The following JAK3 variants were observed in gnomAD, a reference collection of about 807,000 sequenced individuals.
JAK3 encodes tyrosine-protein kinase JAK3.
Under a neutral mutation model 120.8 loss-of-function variants are expected in JAK3, and 88 were observed. The ratio of observed to expected loss-of-function variants is 0.73; its 90% CI spans 0.61 to 0.87. JAK3 has a LOEUF of 0.87. Ranked by LOEUF, JAK3 falls within the 40% of genes least tolerant of loss-of-function variation. The pLI is 0.00. For missense variants in JAK3, 1,254 were observed against 1,501.4 expected (o/e 0.84, Z 2.72); for synonymous variants, 592 against 628.6 (o/e 0.94, Z 0.87).
In JAK3 at chr19:17,843,465, A is replaced by G; in HGVS notation, c.335T>C (p.Leu112Pro). Residue 112 changes from leucine (L) to proline (P), a missense_variant, in exon 4 of 24, where the codon CTG (leucine) becomes CCG (proline). Physicochemically the swap from Leu to Pro is moderately conservative, Grantham distance 98 (BLOSUM62 -3). Coordinates refer to ENST00000458235, the MANE Select transcript of JAK3 (RefSeq NM_000215.4). The surrounding 1 kb of genome is among the most constrained non-coding windows in gnomAD (Gnocchi z 5.4). ...IRFYFPNWFG[L>P]EKCHRFGLRK... ...TAGCCCGAAGCGGTGGCACTTCTCCAGCCCAAACCAATTGGGGAAGTAAAA... is the reference window on the plus strand; with the variant it reads ...TAGCCCGAAGCGGTGGCACTTCTCCGGCCCAAACCAATTGGGGAAGTAAAA... The G allele has an allele frequency of 6.3e-7, 1 of 1,599,120 alleles. No individual in the cohort carries two copies. Among genetic ancestry groups the G allele is most frequent in the Non-Finnish European group, 8.5e-7 (1 of 1,172,822 alleles).
rs753974832 is a variant in JAK3, at chr19:17,844,351, C to A, written c.67G>T (p.Ala23Ser). 1.2e-6 allele frequency: 2 copies of A among 1,612,036 alleles called. No homozygotes were observed. Among genetic ancestry groups the A allele is most frequent in the Admixed American group, 3.3e-5 (2 of 59,872 alleles). Residue 23 changes from alanine to serine, a missense_variant, in exon 2 of 24, where the codon GCT (alanine) becomes TCT (serine). Around this residue, in one of 3 missense-constraint regions of JAK3, gnomAD observed 138 missense variants for 178.7 expected, o/e 0.77. Coordinates refer to ENST00000458235, the MANE Select transcript of JAK3 (RefSeq NM_000215.4). ...QRSCSLLSTEAGALHVLLPAR... is the reference protein window; with the variant it reads ...QRSCSLLSTESGALHVLLPAR... Reference sequence around the variant, plus strand: ...GGCAGCAGCACATGCAGGGCACCAGCCTCCGTGGACAAGAGGCTGCATGAA... The same window carrying A: ...GGCAGCAGCACATGCAGGGCACCAGACTCCGTGGACAAGAGGCTGCATGAA...
At position 17,835,914 on chromosome 19, in the gene JAK3, G is replaced by A. The variant is rs200964315; in HGVS notation, c.1914+10C>T. The stretch of plus-strand genomic sequence containing the variant: ...GGAATGGAGGGTGGAGCAGGCAGAG[G>A]AGCACTCACCAGATAGTTGAGGGCG... On this transcript the variant is annotated intron_variant, in intron 14 of 23. Coordinates refer to ENST00000458235, the MANE Select transcript of JAK3 (RefSeq NM_000215.4). 2.9e-5 allele frequency: 46 copies of A among 1,613,590 alleles called. No individual in the cohort carries two copies. In the Middle Eastern group the frequency reaches 2.6e-3, roughly 93 times the overall value.
Position 17,841,540 on chromosome 19 carries a change from C to A in JAK3, c.991G>T (p.Glu331Ter). The stretch of plus-strand genomic sequence containing the variant: ...AGAGCCTCGGGCAGCCCTGGGAACT[C>A]GGCCTCCTGCGAGGGACAAGCGTCA... ...TRTDNQILEAEFPGLPEALSF... is the reference protein window; with the variant it reads ...TRTDNQILEA Residue 331 changes from glutamate (E) to a stop codon, truncating the protein, a stop_gained, in exon 8 of 24, where the codon GAG becomes TAG. Coordinates refer to ENST00000458235, the MANE Select transcript of JAK3 (RefSeq NM_000215.4). LOFTEE classifies it high-confidence loss of function. The surrounding 1 kb of genome is among the most constrained non-coding windows in gnomAD (Gnocchi z 4.1). The A allele has an allele frequency of 6.3e-7, 1 of 1,590,884 alleles. No individual in the cohort carries two copies. Among genetic ancestry groups the A allele is most frequent in the Non-Finnish European group, 8.6e-7 (1 of 1,168,804 alleles).
At chr19:17,828,226 TTTG>T (rs796168555) in intron 23 of JAK3, among the ~76,000 whole-genome samples, 13 of 17,556 alleles carry the variant, frequency 7.4e-4, no homozygotes, top group East Asian at 0.011. Context: ...TAATTTTGTC[TTTG>T]TTTTGTTTTG....
Position 17,840,224 on chromosome 19 carries a change from A to T in JAK3, c.1254+6T>A. ...CCTCCACTACCCACCCTAGCAGTAG[A>T]CCGACCTGGACACAGACAGTGAGGA... On this transcript the variant is annotated splice_donor_region_variant and intron_variant, in intron 9 of 23. Transcript: ENST00000458235. 6.2e-7 allele frequency: 1 copy of T among 1,606,202 alleles called. No homozygotes were observed. Among genetic ancestry groups the T allele is most frequent in the Non-Finnish European group, 8.5e-7 (1 of 1,173,066 alleles).
rs137852626 is a variant in JAK3, at chr19:17,839,585, G to A, written c.1333C>T (p.Arg445Ter). ...AGCTCTCGAAGACTGCTGTGGGGTC[G>A]GCTGAGGCCAACCAGAAGGAAGGTT... ...TGTFLLVGLS[R>*]PHSSLRELLA... Residue 445 changes from arginine to a stop codon, truncating the protein, a stop_gained, in exon 10 of 24, where the codon CGA becomes TGA. Transcript: ENST00000458235. LOFTEE classifies it high-confidence loss of function. 2 of 1,611,626 alleles carry A rather than the reference G, an allele frequency of 1.2e-6. No homozygotes were observed. The highest frequency in any genetic ancestry group is 1.7e-6 in the Non-Finnish European group (2 of 1,179,170).
chr19:17,830,517 A>C lies in JAK3; in HGVS notation c.3082T>G (p.Cys1028Gly). Residue 1028 changes from cysteine (C) to glycine (G), a missense_variant, in exon 22 of 24, where the codon TGC (cysteine) becomes GGC (glycine). Physicochemically the swap from Cys to Gly is radical, Grantham distance 159. Transcript: ENST00000458235. Reference protein sequence around the residue: ...YELFTYCDKSCSPSAEFLRMM... With the variant: ...YELFTYCDKSGSPSAEFLRMM... ...AGCCGACTCACGGCCGAGGGGCTGC[A>C]GCTTTTGTCGCAGTAGGTGAAGAGC... 6.2e-7 allele frequency: 1 copy of C among 1,613,434 alleles called. No individual in the cohort carries two copies. Among genetic ancestry groups the C allele is most frequent in the East Asian group, 2.2e-5 (1 of 44,810 alleles).
chr19:17,847,088 G>T (rs1365408989), intron 1 of JAK3, among the ~76,000 whole-genome samples: 2 of 152,082 alleles, frequency 1.3e-5, no homozygotes, highest in East Asian at 3.9e-4. Flanking sequence ...AGTAGAGATA[G>T]GGTTTCACCA....
chr19:17,831,731 C>T lies in JAK3; in HGVS notation c.2748G>A (p.Arg916=), dbSNP rs575101912. The change falls in exon 20 of 24, where the codon CGG becomes CGA. Residue 916 remains arginine (R), a synonymous_variant. Transcript: ENST00000458235. This position sits in a 1 kb window ranked among gnomAD's most constrained non-coding sequence, Gnocchi z 5.1. ...PSGCLRDFLQ[R]HRARLDASRL... ...GGCTGGCATCGAGGCGCGCGCGGTG[C>T]CGCTGCAGGAAGTCGCGCAAGCAGC... is the stretch of plus-strand genomic sequence containing the variant. The T allele has an allele frequency of 7.4e-6, 12 of 1,612,106 alleles. No homozygotes were observed. The East Asian group carries it at 2.7e-4, about 36-fold the overall frequency.
chr19:17,837,103 G>C (rs936236272), intron 13 of JAK3, 26 bp downstream of exon 13: 2 of 1,469,124 alleles, frequency 1.4e-6, no homozygotes, highest in Non-Finnish European at 1.9e-6. Context: ...AGGCAGGGGT[G>C]GGGTGGGTGG....
chr19:17,845,402 T>C (rs2094249867), intron 1 of JAK3, among the ~76,000 whole-genome samples: 1 of 152,086 alleles, frequency 6.6e-6, no homozygotes, highest in Non-Finnish European at 1.5e-5. Context: ...GTGATCAGCC[T>C]GCCTCAGCCT....
At position 17,842,932 on chromosome 19, in the gene JAK3, G is replaced by A. The variant is rs1042168927; in HGVS notation, c.566+95C>T. The A allele has an allele frequency of 2.6e-6, 4 of 1,539,632 alleles. No individual in the cohort carries two copies. The highest frequency in any genetic ancestry group is 1.4e-5 in the African/African-American group (1 of 73,528). ...CATAGGAACACCCTGAAAGCTTGCA[G>A]GAGAACTCCATGGTGGGAGCCCGGC... On this transcript the variant is annotated intron_variant, in intron 5 of 23. Coordinates refer to ENST00000458235, the MANE Select transcript of JAK3 (RefSeq NM_000215.4). This position sits in a 1 kb window ranked among gnomAD's most constrained non-coding sequence, Gnocchi z 6.4.
intron 1 of JAK3, 73 bp from the exon 2 acceptor site, chr19:17,844,503 A>G: frequency 7.2e-7 from 1 of 1,398,034 alleles, no homozygotes; most frequent in Non-Finnish European, 9.8e-7. Flanking sequence ...GAGGGCATGG[A>G]AAGGAGTGCT....
intron 23 of JAK3, among the ~76,000 whole-genome samples, chr19:17,829,056 G>A (rs940275141): frequency 6.6e-6 from 1 of 152,132 alleles, no homozygotes; most frequent in African/African-American, 2.4e-5. Flanking sequence ...CACTTTGGGA[G>A]GCCAAGGCAG....
rs761961495 is a variant in JAK3, at chr19:17,837,115, T to TG, written c.1786+13dup. On this transcript the variant is annotated intron_variant, in intron 13 of 23. Coordinates refer to ENST00000458235, the MANE Select transcript of JAK3 (RefSeq NM_000215.4). ...GTGAGGCAGGGGTGGGGTGGGTGGG[T>TG]GGGGGGCTCTCACTGTCTCCAGCCA... 14 of 534,182 alleles carry TG rather than the reference T, an allele frequency of 2.6e-5. No homozygotes were observed. In the African/African-American group the frequency reaches 1.1e-3, roughly 42 times the overall value. The allele number at this position is 534,182 out of a possible 1,614,324, so 33.1% of individuals were successfully genotyped here.
At chr19:17,829,138 T>C (rs1433643097) in intron 23 of JAK3, among the ~76,000 whole-genome samples, 1 of 150,196 alleles carries the variant, frequency 6.7e-6, no homozygotes, top group Non-Finnish European at 1.5e-5. Flanking sequence ...TTAAAAAAAT[T>C]ATTTTTATCT....
At chr19:17,844,810 A>AAAAAG (rs2094248522) in intron 1 of JAK3, among the ~76,000 whole-genome samples, 2 of 127,140 alleles carry the variant, frequency 1.6e-5, no homozygotes, top group African/African-American at 6.4e-5. Flanking sequence ...AAAAAAAAAA[A>AAAAAG]AAAGAAAGAA....
chr19:17,847,889 C>A (rs1225044013), intron 1 of JAK3, 57 bp downstream of exon 1: 29 of 869,886 alleles, frequency 3.3e-5, no homozygotes, highest in Non-Finnish European at 4.1e-5. Context: ...CCATCCCCCG[C>A]CACCACCATC....
rs1360178991 is a variant in JAK3, at chr19:17,832,986, T to G, written c.2351-57A>C. On this transcript the variant is annotated intron_variant, in intron 17 of 23. Transcript: ENST00000458235. This position sits in a 1 kb window ranked among gnomAD's most constrained non-coding sequence, Gnocchi z 4.7. ...CGCCTCTCATCCTGGGCCCCACTCC[T>G]GAGTTGACTTGCTGTGCAACCTCCA... The G allele has an allele frequency of 9.5e-6, 15 of 1,570,784 alleles. No individual in the cohort carries two copies. Among genetic ancestry groups the G allele is most frequent in the Non-Finnish European group, 1.3e-5 (15 of 1,157,512 alleles).
Sources: allele counts gnomAD v4.1 joint callset (sites outside exome capture counted in the v4.1 genomes callset), GRCh38; gene constraint gnomAD v4.1.1; regional missense constraint gnomAD v4.1.1; non-coding constraint Gnocchi (gnomAD v3.1); transcripts MANE v1.5; gene names NCBI Gene and HGNC (gene_info 2026-07-23, HGNC 2026-07-21).